ARPP21: variants seen among roughly 807,000 people sequenced by gnomAD.
ARPP21 encodes the protein cAMP-regulated phosphoprotein 21.
A neutral mutation model predicts 113.2 loss-of-function variants in ARPP21; 69 were observed. The observed-to-expected ratio is 0.61, with a 90% CI of 0.50 to 0.74. ARPP21 has a LOEUF of 0.74. Ranked by LOEUF, ARPP21 falls within the 30% of genes least tolerant of loss-of-function variation. The pLI, the probability that ARPP21 is intolerant of heterozygous loss-of-function variation, is 0.00. For missense variants in ARPP21, 1,070 were observed against 1,037.4 expected (o/e 1.03, Z -0.43); for synonymous variants, 368 against 375.5 (o/e 0.98, Z 0.23).
At chr3:35,737,814 C>T (rs1487145428) in intron 16 of ARPP21, among the ~76,000 whole-genome samples, 3 of 152,148 alleles carry the variant, frequency 2.0e-5, no homozygotes, top group Non-Finnish European at 4.4e-5. Context: ...CCTACATACT[C>T]CTCTTAGAGA....
intron 1 of ARPP21, among the ~76,000 whole-genome samples, chr3:35,679,137 C>A (rs1398488814): frequency 1.3e-5 from 2 of 151,920 alleles, no homozygotes; most frequent in Non-Finnish European, 2.9e-5. Context: ...AGTGGCAATC[C>A]CGATGGGGAG....
chr3:35,783,503 C>G (rs1400468203), intron 19 of ARPP21, among the ~76,000 whole-genome samples: 1 of 152,060 alleles, frequency 6.6e-6, no homozygotes, highest in Non-Finnish European at 1.5e-5. Context: ...CTATCTCTCT[C>G]TCTGATGTGT....
chr3:35,661,002 G>A (rs1267200688), intron 1 of ARPP21, among the ~76,000 whole-genome samples: 1 of 152,086 alleles, frequency 6.6e-6, no homozygotes, highest in Non-Finnish European at 1.5e-5. Context: ...CTTAAAGGCA[G>A]GTACAGGGCT....
intron 1 of ARPP21, among the ~76,000 whole-genome samples, chr3:35,649,406 C>T (rs1360433841): frequency 2.6e-5 from 4 of 152,142 alleles, no homozygotes; most frequent in African/African-American, 9.7e-5. Flanking sequence ...CTTAAACTGA[C>T]TACAAACATT....
chr3:35,779,086 C>G (rs1473067911), intron 19 of ARPP21, among the ~76,000 whole-genome samples: 2 of 152,116 alleles, frequency 1.3e-5, no homozygotes, highest in Non-Finnish European at 2.9e-5. Context: ...ACCTCCAAAA[C>G]TTATATTTTC....
chr3:35,667,874 G>GAAGAAA (rs2074887234), intron 1 of ARPP21, among the ~76,000 whole-genome samples: 1 of 135,634 alleles, frequency 7.4e-6, no homozygotes, highest in Non-Finnish European at 1.5e-5. Context: ...AGAAGAAGAA[G>GAAGAAA]AAGAAGAAGA....
chr3:35,781,136 C>T (rs1357825146), intron 19 of ARPP21, among the ~76,000 whole-genome samples: 2 of 152,072 alleles, frequency 1.3e-5, no homozygotes, highest in African/African-American at 4.8e-5. Context: ...GCTGGTTGTC[C>T]CTTGTGAGGG....
At chr3:35,655,131 C>T (rs574104724) in intron 1 of ARPP21, among the ~76,000 whole-genome samples, 11 of 151,814 alleles carry the variant, frequency 7.2e-5, no homozygotes, top group South Asian at 2.1e-4. Context: ...AGGTTTACTC[C>T]GGTAAGTTTT....
At chr3:35,737,755 A>G (rs1362573999) in intron 16 of ARPP21, among the ~76,000 whole-genome samples, 2 of 152,148 alleles carry the variant, frequency 1.3e-5, no homozygotes, top group Non-Finnish European at 2.9e-5. Context: ...TGAATTCTTC[A>G]TCAATGGGAA....
intron 5 of ARPP21, chr3:35,685,045 C>T: frequency 1.0e-6 from 1 of 984,928 alleles, no homozygotes; most frequent in Non-Finnish European, 1.2e-6. Context: ...TAATGTACTG[C>T]ACACAATATA....
At chr3:35,763,885 C>T (rs983147909) in intron 19 of ARPP21, among the ~76,000 whole-genome samples, 4 of 151,906 alleles carry the variant, frequency 2.6e-5, no homozygotes, top group Admixed American at 2.0e-4. Flanking sequence ...ATTTTCAGGC[C>T]GGGCATGGTA....
intron 1 of ARPP21, among the ~76,000 whole-genome samples, chr3:35,676,058 GA>G (rs1324975442): frequency 6.6e-6 from 1 of 151,880 alleles, no homozygotes; most frequent in Non-Finnish European, 1.5e-5. Context: ...AAAAGATTTT[GA>G]AATGTGAGAT....
chr3:35,667,757 A>G (rs1442309977), intron 1 of ARPP21, among the ~76,000 whole-genome samples: 1 of 151,616 alleles, frequency 6.6e-6, no homozygotes, highest in Non-Finnish European at 1.5e-5. Context: ...AAATTTTGCA[A>G]TGGTATTGAT....
intron 18 of ARPP21, among the ~76,000 whole-genome samples, chr3:35,742,719 G>A (rs2094746485): frequency 6.6e-6 from 1 of 152,164 alleles, no homozygotes; most frequent in African/African-American, 2.4e-5. Flanking sequence ...TTAGACCTGA[G>A]CAAATCAGAA....
chr3:35,735,983 T>A (rs2094325307), intron 15 of ARPP21, among the ~76,000 whole-genome samples: 1 of 152,224 alleles, frequency 6.6e-6, no homozygotes, highest in Non-Finnish European at 1.5e-5. Flanking sequence ...ACGACACATT[T>A]TTTTTCATCG....
At chr3:35,722,380 G>C (rs920804733) in intron 14 of ARPP21, among the ~76,000 whole-genome samples, 1 of 152,098 alleles carries the variant, frequency 6.6e-6, no homozygotes, top group Non-Finnish European at 1.5e-5. Flanking sequence ...CTGTGCCTCT[G>C]TTTTCTTCAT....
chr3:35,762,126 T>TCTCACA (rs1424526664), intron 19 of ARPP21, among the ~76,000 whole-genome samples: 19 of 127,036 alleles, frequency 1.5e-4, no homozygotes, highest in Admixed American at 3.2e-4. Flanking sequence ...TCTCTCTCTC[T>TCTCACA]CACACACACA....
chr3:35,755,169 CCTTTT>C (rs1158674724), intron 19 of ARPP21, among the ~76,000 whole-genome samples: 6 of 151,934 alleles, frequency 3.9e-5, no homozygotes, highest in Non-Finnish European at 5.9e-5. Flanking sequence ...CTTTTCTCCT[CCTTTT>C]GTTTCTTGTT....
At chr3:35,694,226 A>C (rs577368750) in intron 9 of ARPP21, among the ~76,000 whole-genome samples, 1 of 151,662 alleles carries the variant, frequency 6.6e-6, no homozygotes, top group East Asian at 2.0e-4. Context: ...AGATCATAAC[A>C]ATACATTCTG....
Sources: allele counts gnomAD v4.1 joint callset (sites outside exome capture counted in the v4.1 genomes callset), GRCh38; gene constraint gnomAD v4.1.1; transcripts MANE v1.5; gene names NCBI Gene and HGNC (gene_info 2026-07-23, HGNC 2026-07-21).